The following SMO variants were observed in gnomAD, a reference collection of about 807,000 sequenced individuals.
SMO encodes the protein protein smoothened.
SMO carries 40 observed loss-of-function variants against 81.6 expected under a neutral mutation model. That is an observed-to-expected ratio of 0.49 (90% confidence interval 0.38 to 0.64). SMO has a LOEUF of 0.64. SMO is among the 30% of genes least tolerant of loss of function. The pLI, the probability that SMO is intolerant of heterozygous loss-of-function variation, is 0.00. For missense variants in SMO, 916 were observed against 1,061.1 expected (o/e 0.86, Z 1.90); for synonymous variants, 434 against 432.1 (o/e 1.00, Z -0.05).
At chr7:129,203,625 G>T (rs1379321670) in intron 2 of SMO, 36 bp downstream of exon 2, 2 of 1,541,876 alleles carry the variant, frequency 1.3e-6, no homozygotes, top group Middle Eastern at 1.7e-4. Context: ...AGGCTCTCTG[G>T]GTTGGGCAGG....
At chr7:129,198,669 A>C (rs577042142) in intron 1 of SMO, among the ~76,000 whole-genome samples, 2 of 152,338 alleles carry the variant, frequency 1.3e-5, no homozygotes, top group South Asian at 4.1e-4. Context: ...AGATACACTG[A>C]TACTCACCGT....
intron 7 of SMO, chr7:129,209,083 A>G (rs1398114932): frequency 3.3e-6 from 2 of 608,342 alleles, no homozygotes; most frequent in Non-Finnish European, 5.9e-6. Context: ...CCTGCCCACT[A>G]CGTCCCACGT....
Position 129,205,797 on chromosome 7 carries a change from G to A in SMO, c.920+15G>A, listed in dbSNP as rs1793755556. 2 of 1,598,270 alleles carry A rather than the reference G, an allele frequency of 1.3e-6. No homozygotes were observed. Among genetic ancestry groups the A allele is most frequent in the African/African-American group, 1.3e-5 (1 of 74,942 alleles). ...GGGGAGCCCACGTAGGTGTCTTGGGGACCCAGAGGTGAAGGTACAGGGAGG... is the reference window on the plus strand; with the variant it reads ...GGGGAGCCCACGTAGGTGTCTTGGGAACCCAGAGGTGAAGGTACAGGGAGG... On this transcript the variant is annotated intron_variant, in intron 4 of 11. Coordinates refer to ENST00000249373, the MANE Select transcript of SMO (RefSeq NM_005631.5).
At chr7:129,200,155 C>T (rs1793647256) in intron 1 of SMO, among the ~76,000 whole-genome samples, 2 of 152,306 alleles carry the variant, frequency 1.3e-5, no homozygotes, top group African/African-American at 2.4e-5. Context: ...GGCGTGGTGG[C>T]TCACGCCGTA....
In SMO at chr7:129,211,107, C is replaced by T. The variant is rs2150654872; in HGVS notation, c.1795C>T (p.Pro599Ser). 1 of 1,605,538 alleles carries T rather than the reference C, an allele frequency of 6.2e-7. No homozygotes were observed. Among genetic ancestry groups the T allele is most frequent in the Non-Finnish European group, 8.5e-7 (1 of 1,175,332 alleles). The change falls in exon 10 of 12, where the codon CCC (proline) becomes TCC (serine). Residue 599 changes from proline to serine, a missense_variant. Pro to Ser is a moderately conservative substitution (Grantham distance 74). Around this residue, in one of 4 missense-constraint regions of SMO, gnomAD observed 324 missense variants for 312.9 expected, o/e 1.04. Transcript: ENST00000249373. This position sits in a 1 kb window ranked among gnomAD's most constrained non-coding sequence, Gnocchi z 4.6. ...CATGCACACTGTGTCCCACGACGGGCCCGTGGGTGAGCCTCACCCCTCCTC... is the reference window on the plus strand; with the variant it reads ...CATGCACACTGTGTCCCACGACGGGTCCGTGGGTGAGCCTCACCCCTCCTC... ...FSMHTVSHDG[P>S]VAGLAFDLNE...
intron 1 of SMO, among the ~76,000 whole-genome samples, chr7:129,191,938 A>G (rs1176549189): frequency 6.6e-6 from 1 of 152,200 alleles, no homozygotes; most frequent in African/African-American, 2.4e-5. Flanking sequence ...TCAAGAAGAC[A>G]GGCTGGACAT....
Position 129,205,399 on chromosome 7 carries a change from C to T in SMO, c.734C>T (p.Thr245Met), listed in dbSNP as rs765318599. ...TTCGGGGCCGTCACGGGCCTCTGCA[C>T]GCTCTTCACCCTGGTCAGCCGCGGG... ...AAFGAVTGLC[T>M]LFTLATFVAD... is the part of the protein sequence containing the mutation. Residue 245 changes from threonine to methionine, a missense_variant, in exon 3 of 12, where the codon ACG becomes ATG. Transcript: ENST00000249373. 2.9e-5 allele frequency: 46 copies of T among 1,609,950 alleles called. No homozygotes were observed. Among genetic ancestry groups the T allele is most frequent in the Non-Finnish European group, 3.6e-5 (43 of 1,178,112 alleles).
intron 2 of SMO, among the ~76,000 whole-genome samples, chr7:129,203,949 C>T (rs756377136): frequency 1.4e-4 from 22 of 151,788 alleles, no homozygotes; most frequent in Middle Eastern, 3.4e-3. Context: ...AGACAGGGGA[C>T]GTGAGCTAGT....
rs1268613425 is a variant in SMO at position 129,212,610 on chromosome 7, G to A, written c.*159G>A. 1.4e-6 allele frequency: 1 copy of A among 698,266 alleles called. No homozygotes were observed. The highest frequency in any genetic ancestry group is 1.8e-5 in the African/African-American group (1 of 55,720). The allele number at this position is 698,266 out of a possible 1,614,324, so 43.3% of individuals were successfully genotyped here. A position where few individuals can be genotyped will look rare whatever the true frequency, so the allele number is the denominator to read the frequency against. ...CTGGATGTCTGGCTCAAAGCAGCAG[G>A]ACTGTGGGAAAGAGCCTAACATCTC... On this transcript the variant is annotated 3_prime_UTR_variant, in exon 12 of 12. Coordinates refer to ENST00000249373, the MANE Select transcript of SMO (RefSeq NM_005631.5). This position sits in a 1 kb window ranked among gnomAD's most constrained non-coding sequence, Gnocchi z 5.0.
At chr7:129,201,683 T>C (rs4731561) in intron 1 of SMO, among the ~76,000 whole-genome samples, 54,083 of 151,898 alleles carry the variant, frequency 0.36, 9,905 homozygotes, top group Middle Eastern at 0.43. Flanking sequence ...TTTTTGTTTT[T>C]TATTTTTTTG....
intron 1 of SMO, among the ~76,000 whole-genome samples, chr7:129,199,640 G>A (rs951963529): frequency 6.6e-6 from 1 of 152,132 alleles, no homozygotes; most frequent in East Asian, 1.9e-4. Context: ...GGAGGTTGAG[G>A]TGGGAGGATT....
chr7:129,200,814 C>T (rs1225305410), intron 1 of SMO, among the ~76,000 whole-genome samples: 2 of 152,210 alleles, frequency 1.3e-5, no homozygotes, highest in Non-Finnish European at 2.9e-5. Flanking sequence ...TGACTCACTG[C>T]AACCTCCACC....
rs551830801 is a variant in SMO, at chr7:129,189,206, C to G, written c.55C>G (p.Leu19Val). The G allele has an allele frequency of 8.6e-7, 1 of 1,156,582 alleles. No homozygotes were observed. Among genetic ancestry groups the G allele is most frequent in the African/African-American group, 1.6e-5 (1 of 62,380 alleles). 71.6% of individuals were successfully genotyped at this position (1,156,582 alleles called of 1,614,324 possible). A position where few individuals can be genotyped will look rare whatever the true frequency, so the allele number is the denominator to read the frequency against. The change falls in exon 1 of 12, where the codon CTG (leucine) becomes GTG (valine). Residue 19 changes from leucine to valine, a missense_variant. Physicochemically the swap from Leu to Val is conservative, Grantham distance 32. Around this residue, in one of 4 missense-constraint regions of SMO, gnomAD observed 146 missense variants for 149.9 expected, o/e 0.97. Coordinates refer to ENST00000249373, the MANE Select transcript of SMO (RefSeq NM_005631.5). The surrounding 1 kb of genome is among the most constrained non-coding windows in gnomAD (Gnocchi z 4.7). ...GGAGCTCCCGCTCCTGGGGCTGCTG[C>G]TGCTGCTGCTGCTGGGGGACCCGGG... Reference protein sequence around the residue: ...GPELPLLGLLLLLLLGDPGRG... With the variant: ...GPELPLLGLLVLLLLGDPGRG...
intron 1 of SMO, among the ~76,000 whole-genome samples, chr7:129,199,774 C>T (rs867342745): frequency 6.6e-6 from 1 of 152,026 alleles, no homozygotes; most frequent in Non-Finnish European, 1.5e-5. Flanking sequence ...AAGAGATGTT[C>T]GACCTCACTC....
chr7:129,189,144 G>C lies in SMO; in HGVS notation c.-8G>C. Reference sequence around the variant, plus strand: ...GCCGGGGCTTTTGCTGAGTTGGCGGGGTTGGCCATGGCCGCTGCCCGCCCA... The same window carrying C: ...GCCGGGGCTTTTGCTGAGTTGGCGGCGTTGGCCATGGCCGCTGCCCGCCCA... On this transcript the variant is annotated 5_prime_UTR_variant, in exon 1 of 12. Coordinates refer to ENST00000249373, the MANE Select transcript of SMO (RefSeq NM_005631.5). The surrounding 1 kb of genome is among the most constrained non-coding windows in gnomAD (Gnocchi z 4.7). 1 of 1,194,354 alleles carries C rather than the reference G, an allele frequency of 8.4e-7. No individual in the cohort carries two copies. The highest frequency in any genetic ancestry group is 1.0e-6 in the Non-Finnish European group (1 of 958,968). The allele number at this position is 1,194,354 out of a possible 1,614,324, so 74.0% of individuals were successfully genotyped here.
At position 129,211,327 on chromosome 7, in the gene SMO, C is replaced by T. The variant is rs1347311121; in HGVS notation, c.1801+214C>T. ...TGTTTCTGCCCCTGGGTCTGCTTGCCGGTGCTTGGGTTCCAAGAAGACTCC... is the reference window on the plus strand; with the variant it reads ...TGTTTCTGCCCCTGGGTCTGCTTGCTGGTGCTTGGGTTCCAAGAAGACTCC... On this transcript the variant is annotated intron_variant, in intron 10 of 11. Transcript: ENST00000249373. The surrounding 1 kb of genome is among the most constrained non-coding windows in gnomAD (Gnocchi z 4.6). 19 of 722,314 alleles carry T rather than the reference C, an allele frequency of 2.6e-5. No individual in the cohort carries two copies. The highest frequency in any genetic ancestry group is 2.7e-5 in the Non-Finnish European group (11 of 404,438). 44.7% of individuals were successfully genotyped at this position (722,314 alleles called of 1,614,324 possible). A position where few individuals can be genotyped will look rare whatever the true frequency, so the allele number is the denominator to read the frequency against.
chr7:129,201,064 C>T (rs528453389), intron 1 of SMO, among the ~76,000 whole-genome samples: 43 of 151,354 alleles, frequency 2.8e-4, no homozygotes, highest in African/African-American at 9.9e-4. Context: ...TTTTATTTTT[C>T]GAGACGGGGC....
chr7:129,211,009 G>C lies in SMO; in HGVS notation c.1697G>C (p.Ser566Thr), dbSNP rs1223793743. The C allele has an allele frequency of 1.2e-6, 2 of 1,613,976 alleles. No homozygotes were observed. Among genetic ancestry groups the C allele is most frequent in the South Asian group, 2.2e-5 (2 of 91,046 alleles). Reference protein sequence around the residue: ...SDDEPKRIKKSKMIAKAFSKR... With the variant: ...SDDEPKRIKKTKMIAKAFSKR... ...GATGAGCCAAAGCGGATCAAGAAGAGCAAGATGATTGCCAAGGCCTTCTCT... is the reference window on the plus strand; with the variant it reads ...GATGAGCCAAAGCGGATCAAGAAGACCAAGATGATTGCCAAGGCCTTCTCT... The change falls in exon 10 of 12, where the codon AGC becomes ACC. Residue 566 changes from serine to threonine, a missense_variant. Physicochemically the swap from Ser to Thr is moderately conservative, Grantham distance 58 (BLOSUM62 1). Around this residue, in one of 4 missense-constraint regions of SMO, gnomAD observed 324 missense variants for 312.9 expected, o/e 1.04. Coordinates refer to ENST00000249373, the MANE Select transcript of SMO (RefSeq NM_005631.5). The surrounding 1 kb of genome is among the most constrained non-coding windows in gnomAD (Gnocchi z 4.6).
chr7:129,200,091 G>A (rs1584657933), intron 1 of SMO, among the ~76,000 whole-genome samples: 1 of 152,080 alleles, frequency 6.6e-6, no homozygotes, highest in Non-Finnish European at 1.5e-5. Flanking sequence ...TAGGCTTTGT[G>A]TCATTTCAGA....
Sources: allele counts gnomAD v4.1 joint callset (sites outside exome capture counted in the v4.1 genomes callset), GRCh38; gene constraint gnomAD v4.1.1; regional missense constraint gnomAD v4.1.1; non-coding constraint Gnocchi (gnomAD v3.1); transcripts MANE v1.5; gene names NCBI Gene and HGNC (gene_info 2026-07-23, HGNC 2026-07-21).